The following PRKN variants were observed in gnomAD, a reference collection of about 807,000 sequenced individuals.
PRKN encodes the protein E3 ubiquitin-protein ligase parkin.
In PRKN, 56 loss-of-function variants were observed where a neutral mutation model predicts 59.5. The ratio of observed to expected loss-of-function variants is 0.94; its 90% CI spans 0.76 to 1.18. The LOEUF (loss-of-function observed/expected upper bound fraction) is 1.18. Among genes scored for constraint, PRKN ranks in the 50% most tolerant of loss-of-function variants. The pLI, the probability that PRKN is intolerant of heterozygous loss-of-function variation, is 0.00. For missense variants in PRKN, 657 were observed against 596.4 expected, an observed-to-expected ratio of 1.10 and a Z score of -1.06; for synonymous variants, 250 against 222.1, an observed-to-expected ratio of 1.13 and a Z score of -1.12.
intron 6 of PRKN, among the ~76,000 whole-genome samples, chr6:161,871,109 G>T (rs140097013): frequency 7.6e-4 from 116 of 152,036 alleles, no homozygotes; most frequent in African/African-American, 2.7e-3. Flanking sequence ...AAATAAGATA[G>T]ATACTTTGTA....
intron 7 of PRKN, among the ~76,000 whole-genome samples, chr6:161,607,737 A>G (rs1433294414): frequency 2.0e-5 from 3 of 152,240 alleles, no homozygotes. Context: ...GGAGAAAAAT[A>G]TCAAATAATT....
intron 6 of PRKN, among the ~76,000 whole-genome samples, chr6:161,818,436 G>A (rs569496865): frequency 1.3e-5 from 2 of 151,944 alleles, no homozygotes; most frequent in Non-Finnish European, 2.9e-5. Context: ...CCATGCCCAA[G>A]TATCTCCTGC....
intron 4 of PRKN, among the ~76,000 whole-genome samples, chr6:162,140,574 GGT>G (rs1781734710): frequency 1.3e-5 from 2 of 152,138 alleles, no homozygotes; most frequent in South Asian, 4.1e-4. Flanking sequence ...AAAGGGGAAT[GGT>G]GTTATTTTCG....
At chr6:162,422,977 A>AAG (rs397969833) in intron 2 of PRKN, among the ~76,000 whole-genome samples, 311 of 145,448 alleles carry the variant, frequency 2.1e-3, no homozygotes, top group African/African-American at 7.8e-3. Context: ...AAAAAAAAAA[A>AAG]GCATCATAAG....
intron 9 of PRKN, among the ~76,000 whole-genome samples, chr6:161,505,376 G>T (rs1453268258): frequency 9.4e-6 from 1 of 105,992 alleles, no homozygotes; most frequent in South Asian, 3.2e-4. Context: ...GGGGTTGTTT[G>T]TTTTTTTCTT....
chr6:161,496,782 G>A (rs1391764721), intron 9 of PRKN, among the ~76,000 whole-genome samples: 1 of 152,190 alleles, frequency 6.6e-6, no homozygotes. Flanking sequence ...AAGAAGAGGA[G>A]GGAGACACAG....
chr6:162,301,334 T>C (rs576356068), intron 2 of PRKN, among the ~76,000 whole-genome samples: 48 of 151,066 alleles, frequency 3.2e-4, no homozygotes, highest in African/African-American at 1.0e-3. Context: ...CTCAGCATTC[T>C]TAAACTTCTG....
In PRKN at chr6:162,558,758, C is replaced by A. The variant is rs145239097; in HGVS notation, c.8-115285G>T. On this transcript the variant is annotated intron_variant, in intron 1 of 11. Transcript: ENST00000366898. The stretch of plus-strand genomic sequence containing the variant: ...GGCTCAAGCGATTCTTCTGCCTCAG[C>A]CTCCTCTGTACCTGGGATGTGCCAC... 5.3e-5 allele frequency among the ~76,000 whole-genome samples: 8 copies of A among 152,122 alleles called. No individual in the cohort carries two copies. In the East Asian group the frequency reaches 1.6e-3, roughly 30 times the overall value.
intron 7 of PRKN, among the ~76,000 whole-genome samples, chr6:161,618,908 G>GGC (rs1160667907): frequency 9.2e-5 from 14 of 152,112 alleles, no homozygotes; most frequent in African/African-American, 3.4e-4. Flanking sequence ...AACCACAAAG[G>GGC]GCGCCATGGA....
intron 5 of PRKN, among the ~76,000 whole-genome samples, chr6:162,021,008 C>G (rs1356372458): frequency 6.7e-6 from 1 of 148,964 alleles, no homozygotes; most frequent in African/African-American, 2.5e-5. Context: ...GAGGCTGAGG[C>G]AGGAGAATTG....
Position 161,560,940 on chromosome 6 carries a change from T to C in PRKN, c.933+8415A>G, listed in dbSNP as rs1780433370. 6.6e-6 allele frequency among the ~76,000 whole-genome samples: 1 copy of C among 152,138 alleles called. No homozygotes were observed. Among genetic ancestry groups the C allele is most frequent in the Admixed American group, 6.5e-5 (1 of 15,268 alleles). On this transcript the variant is annotated intron_variant, in intron 8 of 11. Coordinates refer to ENST00000366898, the MANE Select transcript of PRKN (RefSeq NM_004562.3). This position sits in a 1 kb window ranked among gnomAD's most constrained non-coding sequence, Gnocchi z 4.9. ...TGGTCTTCTTTATCTGATGGCAAAA[T>C]TCCACGCCTGGAAAACATCACCTCC...
chr6:161,545,310 C>G lies in PRKN; in HGVS notation c.1083+3544G>C. On this transcript the variant is annotated intron_variant, in intron 9 of 11. Transcript: ENST00000366898. The surrounding 1 kb of genome is among the most constrained non-coding windows in gnomAD (Gnocchi z 4.1). ...TCACTGGAGTTAATGACGTCTAGGG[C>G]TTTTTCCACATCTGGAACTCTGTAA... 6.4e-7 allele frequency: 1 copy of G among 1,568,522 alleles called. No homozygotes were observed. Among genetic ancestry groups the G allele is most frequent in the Non-Finnish European group, 8.6e-7 (1 of 1,156,344 alleles).
intron 7 of PRKN, among the ~76,000 whole-genome samples, chr6:161,732,835 T>C (rs1409696829): frequency 6.6e-6 from 1 of 152,190 alleles, no homozygotes; most frequent in African/African-American, 2.4e-5. Flanking sequence ...CCTGGTCTCA[T>C]GCAAACAATG....
chr6:161,782,731 T>C (rs1049524017), intron 7 of PRKN, among the ~76,000 whole-genome samples: 6 of 151,782 alleles, frequency 4.0e-5, no homozygotes, highest in African/African-American at 1.5e-4. Flanking sequence ...CCATCTCTAC[T>C]AAAAATACAA....
chr6:162,531,475 G>C (rs958861609), intron 1 of PRKN, among the ~76,000 whole-genome samples: 1 of 152,100 alleles, frequency 6.6e-6, no homozygotes, highest in Non-Finnish European at 1.5e-5. Flanking sequence ...TTGGTGGGTG[G>C]GGGGAAGCCA....
chr6:162,642,952 A>C (rs948376618), intron 1 of PRKN, among the ~76,000 whole-genome samples: 9 of 152,130 alleles, frequency 5.9e-5, no homozygotes, highest in Non-Finnish European at 1.0e-4. Flanking sequence ...AGAATATAGG[A>C]TATGGTGGAT....
rs1305180600 is a variant in PRKN at position 161,471,820 on chromosome 6, T to G, written c.1083+77034A>C. Among the ~76,000 whole-genome samples, 1 of 152,120 alleles carries G rather than the reference T, an allele frequency of 6.6e-6. No homozygotes were observed. The highest frequency in any genetic ancestry group is 1.5e-5 in the Non-Finnish European group (1 of 68,022). ...AGATAATTAACATACAATAAATGCA[T>G]CTATGAAAGATTAAATTAATCTAAG... On this transcript the variant is annotated intron_variant, in intron 9 of 11. Coordinates refer to ENST00000366898, the MANE Select transcript of PRKN (RefSeq NM_004562.3). This position sits in a 1 kb window ranked among gnomAD's most constrained non-coding sequence, Gnocchi z 4.5.
intron 5 of PRKN, among the ~76,000 whole-genome samples, chr6:162,026,683 A>G: frequency 6.6e-6 from 1 of 152,120 alleles, no homozygotes; most frequent in Non-Finnish European, 1.5e-5. Flanking sequence ...CCCCCCACAA[A>G]TGGCATTCAT....
chr6:161,373,244 C>T lies in PRKN; in HGVS notation c.1168-13039G>A, dbSNP rs925514969. The stretch of plus-strand genomic sequence containing the variant: ...GTTAACTGAGTATAGATGTTAACCA[C>T]GTCTACAAAAATACCTTCACAGCGA... On this transcript the variant is annotated intron_variant, in intron 10 of 11. Coordinates refer to ENST00000366898, the MANE Select transcript of PRKN (RefSeq NM_004562.3). This position sits in a 1 kb window ranked among gnomAD's most constrained non-coding sequence, Gnocchi z 4.8. 6.6e-6 allele frequency among the ~76,000 whole-genome samples: 1 copy of T among 152,132 alleles called. No homozygotes were observed. The highest frequency in any genetic ancestry group is 1.5e-5 in the Non-Finnish European group (1 of 68,038).
Sources: allele counts gnomAD v4.1 joint callset (sites outside exome capture counted in the v4.1 genomes callset), GRCh38; gene constraint gnomAD v4.1.1; non-coding constraint Gnocchi (gnomAD v3.1); transcripts MANE v1.5; gene names NCBI Gene and HGNC (gene_info 2026-07-23, HGNC 2026-07-21).